Variants in NRXN1 observed in about 807,000 individuals in gnomAD.
The protein encoded by NRXN1 is neurexin 1.
A neutral mutation model predicts 150.9 loss-of-function variants in NRXN1; 39 were observed. The ratio of observed to expected loss-of-function variants is 0.26; its 90% CI spans 0.20 to 0.34. NRXN1 has a LOEUF of 0.34. Among genes scored for constraint, NRXN1 ranks in the 10% least tolerant of loss-of-function variants. The pLI is 1.00. For missense variants in NRXN1, 1,815 were observed against 1,949.9 expected (o/e 0.93, Z 1.30); for synonymous variants, 924 against 757.0 (o/e 1.22, Z -3.62).
At chr2:50,936,711 T>C (rs1688600178) in intron 2 of NRXN1, among the ~76,000 whole-genome samples, 1 of 152,144 alleles carries the variant, frequency 6.6e-6, no homozygotes, top group African/African-American at 2.4e-5. Context: ...TCATCGTTTT[T>C]TTAATTAATA....
At chr2:50,109,528 T>C (rs1380697338) in intron 18 of NRXN1, among the ~76,000 whole-genome samples, 4 of 151,990 alleles carry the variant, frequency 2.6e-5, no homozygotes, top group Non-Finnish European at 2.9e-5. Flanking sequence ...AAATTGTTTA[T>C]CAGTTTGCGG....
At chr2:50,045,156 C>A (rs948668725) in intron 21 of NRXN1, among the ~76,000 whole-genome samples, 2 of 150,702 alleles carry the variant, frequency 1.3e-5, no homozygotes, top group African/African-American at 4.9e-5. Flanking sequence ...TTCAGTGATA[C>A]CAACAACAAC....
rs185668665 is a variant in NRXN1, at chr2:51,014,985, A to T, written c.772+12517T>A. The stretch of plus-strand genomic sequence containing the variant: ...ATTATATTTTCTGTAGGTTAAATGT[A>T]GACAATTACGTATTTATTCTTGTCT... On this transcript the variant is annotated intron_variant, in intron 2 of 22. Coordinates refer to ENST00000401669, the MANE Select transcript of NRXN1 (RefSeq NM_001330078.2). 1.9e-3 allele frequency among the ~76,000 whole-genome samples: 296 copies of T among 152,244 alleles called. 2 individuals carry two copies. The highest frequency in any genetic ancestry group is 1.4e-3 in the Non-Finnish European group (92 of 67,994).
rs545601298 is a variant in NRXN1, at chr2:50,192,626, G to A, written c.3546+44163C>T. Reference sequence around the variant, plus strand: ...ACTTTTTTTTGGGGGGGGCGGTGGGGGACAGAGTCCTGCCCTGTCACCCAG... The same window carrying A: ...ACTTTTTTTTGGGGGGGGCGGTGGGAGACAGAGTCCTGCCCTGTCACCCAG... On this transcript the variant is annotated intron_variant, in intron 18 of 22. Coordinates refer to ENST00000401669, the MANE Select transcript of NRXN1 (RefSeq NM_001330078.2). 2.1e-4 allele frequency among the ~76,000 whole-genome samples: 32 copies of A among 151,772 alleles called. 1 individual carries two copies. The highest frequency in any genetic ancestry group is 1.1e-3 in the Admixed American group (17 of 15,206).
At chr2:50,435,635 T>A (rs970006276) in intron 17 of NRXN1, among the ~76,000 whole-genome samples, 9 of 152,166 alleles carry the variant, frequency 5.9e-5, no homozygotes, top group African/African-American at 2.2e-4. Flanking sequence ...GGTAGAACAA[T>A]TTAGATTCCC....
chr2:50,853,101 G>T (rs1292458281), intron 5 of NRXN1, among the ~76,000 whole-genome samples: 1 of 152,162 alleles, frequency 6.6e-6, no homozygotes, highest in African/African-American at 2.4e-5. Context: ...ACACATGTAA[G>T]AGGAGCAGTT....
At chr2:50,034,248 C>G (rs1009132190) in intron 21 of NRXN1, among the ~76,000 whole-genome samples, 4 of 151,966 alleles carry the variant, frequency 2.6e-5, no homozygotes, top group African/African-American at 9.7e-5. Context: ...AACCTAAGTG[C>G]CCATTATTGG....
At position 50,347,310 on chromosome 2, in the gene NRXN1, G is replaced by A. The variant is rs1462250709; in HGVS notation, c.3365-110340C>T. 1 of 1,263,902 alleles carries A rather than the reference G, an allele frequency of 7.9e-7. No homozygotes were observed. The highest frequency in any genetic ancestry group is 1.0e-6 in the Non-Finnish European group (1 of 978,382). 78.3% of individuals were successfully genotyped at this position (1,263,902 alleles called of 1,614,324 possible). A position where few individuals can be genotyped will look rare whatever the true frequency, so the allele number is the denominator to read the frequency against. On this transcript the variant is annotated intron_variant, in intron 17 of 22. Coordinates refer to ENST00000401669, the MANE Select transcript of NRXN1 (RefSeq NM_001330078.2). This position sits in a 1 kb window ranked among gnomAD's most constrained non-coding sequence, Gnocchi z 4.9. ...TTCGGGCGAGAGTGCGTGCCGGCGG[G>A]TGGGGGGCCGAGAAATTGTTTAAAG...
At chr2:50,303,441 C>T (rs2074344080) in intron 17 of NRXN1, among the ~76,000 whole-genome samples, 1 of 152,076 alleles carries the variant, frequency 6.6e-6, no homozygotes, top group Non-Finnish European at 1.5e-5. Context: ...TTCAGAGTGG[C>T]CACATTTCTC....
intron 18 of NRXN1, among the ~76,000 whole-genome samples, chr2:50,221,565 A>G (rs2152858536): frequency 6.6e-6 from 1 of 150,890 alleles, no homozygotes; most frequent in Non-Finnish European, 1.5e-5. Context: ...AATTATATTT[A>G]GCCATCATTT....
intron 8 of NRXN1, among the ~76,000 whole-genome samples, chr2:50,596,135 T>C (rs572142124): frequency 2.0e-5 from 3 of 152,336 alleles, no homozygotes; most frequent in African/African-American, 7.2e-5. Context: ...CTTCTCTCTC[T>C]TTTTGCTCAT....
chr2:50,422,953 CT>C (rs1480045569), intron 17 of NRXN1, among the ~76,000 whole-genome samples: 1 of 152,164 alleles, frequency 6.6e-6, no homozygotes, highest in Non-Finnish European at 1.5e-5. Context: ...TCAAATATCA[CT>C]TTTAACCCAC....
At chr2:50,546,023 A>G (rs2093485383) in intron 9 of NRXN1, among the ~76,000 whole-genome samples, 1 of 152,094 alleles carries the variant, frequency 6.6e-6, no homozygotes, top group Non-Finnish European at 1.5e-5. Context: ...ATTATTTTCA[A>G]TCCATAGTTG....
chr2:50,163,580 TA>T lies in NRXN1; in HGVS notation c.3547-72087del, dbSNP rs1226392974. ...TTAGGTCTTAGCTAAGAAAATGTCT[TA>T]TATGGTTTTTACAGTTAAGGATTGA... On this transcript the variant is annotated intron_variant, in intron 18 of 22. Coordinates refer to ENST00000401669, the MANE Select transcript of NRXN1 (RefSeq NM_001330078.2). Among the ~76,000 whole-genome samples, 3 of 152,280 alleles carry T rather than the reference TA, an allele frequency of 2.0e-5. No individual in the cohort carries two copies. In the East Asian group the frequency reaches 5.8e-4, roughly 29 times the overall value.
At chr2:50,274,463 G>A (rs1330579181) in intron 17 of NRXN1, among the ~76,000 whole-genome samples, 1 of 152,090 alleles carries the variant, frequency 6.6e-6, no homozygotes, top group African/African-American at 2.4e-5. Context: ...TTAAAACCTA[G>A]ATGATGGGTT....
At chr2:50,664,333 C>T (rs963528898) in intron 5 of NRXN1, among the ~76,000 whole-genome samples, 1 of 147,318 alleles carries the variant, frequency 6.8e-6, no homozygotes, top group African/African-American at 2.5e-5. Context: ...TCTGCTATAG[C>T]AGAAAATATT....
At chr2:50,491,663 C>T (rs979298675) in intron 15 of NRXN1, among the ~76,000 whole-genome samples, 7 of 152,132 alleles carry the variant, frequency 4.6e-5, no homozygotes, top group African/African-American at 1.2e-4. Flanking sequence ...AAAGTACTGC[C>T]TGGGCTGACC....
intron 18 of NRXN1, among the ~76,000 whole-genome samples, chr2:50,189,025 C>A (rs1281646376): frequency 6.6e-6 from 1 of 152,158 alleles, no homozygotes; most frequent in East Asian, 1.9e-4. Flanking sequence ...GGGTATATAC[C>A]CAAAGGATTA....
chr2:50,144,835 T>C (rs1453548527), intron 18 of NRXN1, among the ~76,000 whole-genome samples: 2 of 151,770 alleles, frequency 1.3e-5, no homozygotes, highest in African/African-American at 4.8e-5. Flanking sequence ...GAAAAGTTTA[T>C]GTAACACTGT....
Sources: allele counts gnomAD v4.1 joint callset (sites outside exome capture counted in the v4.1 genomes callset), GRCh38; gene constraint gnomAD v4.1.1; non-coding constraint Gnocchi (gnomAD v3.1); transcripts MANE v1.5; gene names NCBI Gene and HGNC (gene_info 2026-07-23, HGNC 2026-07-21).